C8orf34: variants seen among roughly 807,000 people sequenced by gnomAD.
C8orf34 encodes chromosome 8 open reading frame 34.
C8orf34 carries 65 observed loss-of-function variants against 68.3 expected under a neutral mutation model. The observed-to-expected ratio is 0.95, with a 90% CI of 0.78 to 1.17. C8orf34 has a LOEUF of 1.17. Ranked by LOEUF, C8orf34 falls within the 50% of genes most tolerant of loss-of-function variation. The pLI is 0.00. For missense variants in C8orf34, 664 were observed against 655.4 expected (o/e 1.01, Z -0.14); for synonymous variants, 244 against 241.2 (o/e 1.01, Z -0.11).
At chr8:68,437,128 A>G (rs944658975) in intron 1 of C8orf34, among the ~76,000 whole-genome samples, 1 of 152,202 alleles carries the variant, frequency 6.6e-6, no homozygotes, top group African/African-American at 2.4e-5. Context: ...TTAATCTCAT[A>G]TATTCATTAA....
At chr8:68,488,505 T>C (rs1365176324) in intron 5 of C8orf34, among the ~76,000 whole-genome samples, 1 of 152,100 alleles carries the variant, frequency 6.6e-6, no homozygotes, top group Admixed American at 6.6e-5. Flanking sequence ...AGTGGGGTAG[T>C]AGTTATGATG....
intron 1 of C8orf34, chr8:68,437,889 A>G (rs1008155914): frequency 6.6e-6 from 1 of 152,160 alleles, no homozygotes; most frequent in African/African-American, 2.4e-5. Flanking sequence ...GGATCTTGTT[A>G]TCTGCAAAAT....
At chr8:68,695,819 A>AATCT (rs374432175) in intron 8 of C8orf34, 207 of 152,142 alleles carry the variant, frequency 1.4e-3, no homozygotes, top group African/African-American at 3.8e-3. Context: ...TCATCTATAT[A>AATCT]ATCTATCTAT....
intron 7 of C8orf34, among the ~76,000 whole-genome samples, chr8:68,540,387 A>G: frequency 6.6e-6 from 1 of 151,668 alleles, no homozygotes; most frequent in Middle Eastern, 3.4e-3. Flanking sequence ...ACTTAATGAC[A>G]GAAAAAATTT....
At chr8:68,481,967 A>G (rs1812878032) in intron 4 of C8orf34, among the ~76,000 whole-genome samples, 1 of 152,162 alleles carries the variant, frequency 6.6e-6, no homozygotes, top group African/African-American at 2.4e-5. Flanking sequence ...ATGTGAGGAC[A>G]TGAGATTTGG....
intron 1 of C8orf34, among the ~76,000 whole-genome samples, chr8:68,418,163 G>T (rs934050387): frequency 3.4e-5 from 5 of 146,262 alleles, no homozygotes; most frequent in African/African-American, 1.3e-4. Context: ...AGACTTTGCT[G>T]AAGTTGCTTA....
intron 12 of C8orf34, among the ~76,000 whole-genome samples, chr8:68,807,472 T>C (rs755402259): frequency 2.0e-5 from 3 of 152,244 alleles, no homozygotes; most frequent in Non-Finnish European, 4.4e-5. Context: ...AGTTTTTTTA[T>C]ATTTTGGCAT....
intron 9 of C8orf34, among the ~76,000 whole-genome samples, chr8:68,721,070 A>G (rs572863006): frequency 6.6e-6 from 1 of 152,122 alleles, no homozygotes; most frequent in South Asian, 2.1e-4. Context: ...TGTTCCAACA[A>G]TTAGCTGGAT....
In C8orf34 at chr8:68,649,134, C is replaced by T. The variant is rs560536309; in HGVS notation, c.1241+8623C>T. ...TAAGGACAAAAAAGGATTACTATCA[C>T]TTGTTTAAATTTTGAAGTTTTTCAT... On this transcript the variant is annotated intron_variant, in intron 8 of 13. Coordinates refer to ENST00000518698, the MANE Select transcript of C8orf34 (RefSeq NM_052958.4). Among the ~76,000 whole-genome samples, 3 of 152,250 alleles carry T rather than the reference C, an allele frequency of 2.0e-5. No individual in the cohort carries two copies. In the East Asian group the frequency reaches 5.8e-4, roughly 29 times the overall value.
At chr8:68,734,923 A>G (rs763150122) in intron 10 of C8orf34, among the ~76,000 whole-genome samples, 10 of 152,226 alleles carry the variant, frequency 6.6e-5, no homozygotes, top group Non-Finnish European at 1.5e-4. Context: ...CAGCTCTCCT[A>G]GACTATATAC....
At chr8:68,680,938 T>TC (rs1045363426) in intron 8 of C8orf34, among the ~76,000 whole-genome samples, 4 of 151,824 alleles carry the variant, frequency 2.6e-5, no homozygotes, top group African/African-American at 9.7e-5. Flanking sequence ...TGTATAGACC[T>TC]CCCCCCAGGA....
At chr8:68,524,556 G>A (rs1055360993) in intron 6 of C8orf34, among the ~76,000 whole-genome samples, 26 of 152,270 alleles carry the variant, frequency 1.7e-4, no homozygotes, top group Non-Finnish European at 3.1e-4. Context: ...AAGCATTTGA[G>A]TAAGAAAAGT....
chr8:68,590,297 T>C (rs1251871798), intron 7 of C8orf34, among the ~76,000 whole-genome samples: 18 of 152,004 alleles, frequency 1.2e-4, no homozygotes, highest in Admixed American at 1.2e-3. Flanking sequence ...GGAAAACCTT[T>C]AAAAATCTAT....
chr8:68,747,777 G>A (rs1452688566), intron 10 of C8orf34, among the ~76,000 whole-genome samples: 2 of 151,456 alleles, frequency 1.3e-5, no homozygotes, highest in East Asian at 3.9e-4. Context: ...TCATGGGTAG[G>A]AAGAATCAAT....
At chr8:68,696,548 A>T (rs574201780) in intron 8 of C8orf34, among the ~76,000 whole-genome samples, 1 of 151,822 alleles carries the variant, frequency 6.6e-6, no homozygotes, top group South Asian at 2.1e-4. Flanking sequence ...TTCAGAAGAG[A>T]TACAAAATCT....
chr8:68,373,463 A>G (rs1807652977), intron 1 of C8orf34, among the ~76,000 whole-genome samples: 1 of 152,144 alleles, frequency 6.6e-6, no homozygotes, highest in Admixed American at 6.5e-5. Context: ...GGAAATGATG[A>G]TTGAACCGGT....
chr8:68,541,190 T>C (rs74560366), intron 7 of C8orf34, among the ~76,000 whole-genome samples: 2,096 of 152,278 alleles, frequency 0.014, 55 homozygotes, highest in African/African-American at 0.048. Flanking sequence ...GTTCCAGGCA[T>C]GCTGGCTCAC....
chr8:68,532,681 T>C (rs981240146), intron 6 of C8orf34, among the ~76,000 whole-genome samples: 3 of 152,208 alleles, frequency 2.0e-5, no homozygotes, highest in African/African-American at 7.2e-5. Context: ...CTGGACCTTC[T>C]AGCTCTTCTT....
chr8:68,424,562 A>G (rs1810125473), intron 1 of C8orf34, among the ~76,000 whole-genome samples: 1 of 152,186 alleles, frequency 6.6e-6, no homozygotes, highest in South Asian at 2.1e-4. Flanking sequence ...GTGGTTAAAC[A>G]ATCAATTACA....
Sources: gnomAD v4.1 joint callset for allele counts (sites outside exome capture counted in the v4.1 genomes callset) on GRCh38, gnomAD v4.1.1 for gene constraint, MANE v1.5 for transcripts, NCBI Gene and HGNC (gene_info 2026-07-23, HGNC 2026-07-21) for gene names.